YAP1: variants seen among roughly 807,000 people sequenced by gnomAD.
YAP1 encodes transcriptional coactivator YAP1.
Under a neutral mutation model 56.9 loss-of-function variants are expected in YAP1, and 5 were observed. That is an observed-to-expected ratio of 0.09 (90% CI 0.05 to 0.18). The LOEUF (loss-of-function observed/expected upper bound fraction) is 0.18. YAP1 is among the 10% of genes least tolerant of loss of function. The probability of loss-of-function intolerance (pLI) is 1.00; values close to 1 mark genes in which losing one functional copy is unlikely to be tolerated. For missense variants in YAP1, 539 were observed against 651.8 expected (o/e 0.83, Z 1.88); for synonymous variants, 265 against 248.1 (o/e 1.07, Z -0.64).
chr11:102,142,650 C>T (rs763292225), intron 2 of YAP1, among the ~76,000 whole-genome samples: 5 of 152,216 alleles, frequency 3.3e-5, no homozygotes, highest in Admixed American at 6.5e-5. Context: ...TTGTCAAGTA[C>T]AACTCAGAAG....
chr11:102,219,367 G>A (rs1949811207), intron 6 of YAP1, among the ~76,000 whole-genome samples: 1 of 152,126 alleles, frequency 6.6e-6, no homozygotes, highest in Non-Finnish European at 1.5e-5. Flanking sequence ...CTGTGTTCAG[G>A]ATGTTAAAGA....
In YAP1 at chr11:102,114,296, G is replaced by A. The variant is rs12289891; in HGVS notation, c.474G>A (p.Gln158=). Residue 158 remains glutamine (Q), a synonymous_variant, in exon 2 of 9, where the codon CAG becomes CAA. Coordinates refer to ENST00000282441, the MANE Select transcript of YAP1 (RefSeq NM_001130145.3). The stretch of plus-strand genomic sequence containing the variant: ...GCCCAGCAGCTACACCCACAGCTCA[G>A]CATCTTCGACAGTCTTCTTTTGAGA... The part of the protein sequence containing the change: ...VSGPAATPTA[Q]HLRQSSFEIP... 6 of 1,614,162 alleles carry A rather than the reference G, an allele frequency of 3.7e-6. No homozygotes were observed. Among genetic ancestry groups the A allele is most frequent in the African/African-American group, 2.7e-5 (2 of 75,042 alleles).
intron 3 of YAP1, among the ~76,000 whole-genome samples, chr11:102,185,351 G>A (rs900415946): frequency 1.3e-5 from 2 of 152,100 alleles, no homozygotes; most frequent in African/African-American, 4.8e-5. Flanking sequence ...CTTAAAGTTT[G>A]CCTTCCAACA....
intron 2 of YAP1, among the ~76,000 whole-genome samples, chr11:102,159,438 A>G (rs562992412): frequency 2.0e-4 from 30 of 152,282 alleles, no homozygotes; most frequent in African/African-American, 7.2e-4. Context: ...GCATCTACCT[A>G]CTGCATCTCT....
intron 6 of YAP1, 109 bp from the exon 7 acceptor site, chr11:102,223,513 G>A (rs1035265924): frequency 1.2e-4 from 146 of 1,203,770 alleles, no homozygotes; most frequent in Non-Finnish European, 1.5e-4. Flanking sequence ...TAAAGTAGAT[G>A]TTTTTAATCT....
chr11:102,118,256 CA>C (rs973126439), intron 2 of YAP1, among the ~76,000 whole-genome samples: 7 of 152,088 alleles, frequency 4.6e-5, no homozygotes, highest in African/African-American at 1.7e-4. Context: ...TAACTGGCCA[CA>C]ATGTTTTTAG....
chr11:102,159,250 C>T (rs1250268102), intron 2 of YAP1, among the ~76,000 whole-genome samples: 2 of 152,112 alleles, frequency 1.3e-5, no homozygotes, highest in Non-Finnish European at 2.9e-5. Flanking sequence ...CACAGGTCCT[C>T]AAAGCCCAGC....
chr11:102,117,285 C>T (rs1312170258), intron 2 of YAP1, among the ~76,000 whole-genome samples: 1 of 152,130 alleles, frequency 6.6e-6, no homozygotes, highest in Non-Finnish European at 1.5e-5. Flanking sequence ...TTGTTGTCAT[C>T]AGATGTAGAA....
intron 6 of YAP1, among the ~76,000 whole-genome samples, chr11:102,216,471 TA>T (rs1249758758): frequency 6.6e-6 from 1 of 152,308 alleles, no homozygotes; most frequent in Admixed American, 6.5e-5. Flanking sequence ...ATACCTGTGT[TA>T]AAAAATGCCA....
At chr11:102,157,473 G>A (rs1167267103) in intron 2 of YAP1, among the ~76,000 whole-genome samples, 1 of 152,144 alleles carries the variant, frequency 6.6e-6, no homozygotes, top group Non-Finnish European at 1.5e-5. Context: ...TGGGCTGACT[G>A]CCCACTCCCA....
At position 102,229,995 on chromosome 11, in the gene YAP1, A is replaced by C; in HGVS notation, c.*55A>C. The C allele has an allele frequency of 6.7e-7, 1 of 1,494,436 alleles. No individual in the cohort carries two copies. The highest frequency in any genetic ancestry group is 9.2e-7 in the Non-Finnish European group (1 of 1,082,898). 92.6% of individuals were successfully genotyped at this position (1,494,436 alleles called of 1,614,324 possible). ...GTGAAGGATCTAAGGAGACACATGC[A>C]CCGGAAATTTCCATAAGCCAGTTGC... On this transcript the variant is annotated 3_prime_UTR_variant, in exon 9 of 9. Transcript: ENST00000282441.
At chr11:102,120,663 T>G (rs1400917565) in intron 2 of YAP1, among the ~76,000 whole-genome samples, 1 of 152,224 alleles carries the variant, frequency 6.6e-6, no homozygotes, top group Admixed American at 6.5e-5. Flanking sequence ...TCCAATTGAT[T>G]GCTTAACCTA....
intron 4 of YAP1, among the ~76,000 whole-genome samples, chr11:102,198,952 T>C (rs975883384): frequency 6.6e-6 from 1 of 152,080 alleles, no homozygotes; most frequent in African/African-American, 2.4e-5. Context: ...TTGTAAATCA[T>C]AGGAATATTT....
At chr11:102,115,358 C>T (rs756704161) in intron 2 of YAP1, among the ~76,000 whole-genome samples, 3 of 152,166 alleles carry the variant, frequency 2.0e-5, no homozygotes, top group East Asian at 1.9e-4. Context: ...TGACAGTCTA[C>T]TCCTAAGGCA....
intron 2 of YAP1, among the ~76,000 whole-genome samples, chr11:102,145,562 G>C (rs1046909689): frequency 1.3e-5 from 2 of 152,084 alleles, no homozygotes; most frequent in African/African-American, 4.8e-5. Context: ...TCTAATACTT[G>C]AAAACTTAAG....
intron 2 of YAP1, among the ~76,000 whole-genome samples, chr11:102,125,363 T>C (rs1260984212): frequency 1.1e-3 from 158 of 145,436 alleles, no homozygotes; most frequent in African/African-American, 3.7e-3. Context: ...CATTCTTTTT[T>C]TTTTCTTTTC....
chr11:102,218,486 T>C (rs571848166), intron 6 of YAP1, among the ~76,000 whole-genome samples: 116 of 152,346 alleles, frequency 7.6e-4, no homozygotes, highest in African/African-American at 2.7e-3. Flanking sequence ...CCATTTTTCT[T>C]CTCGAATATT....
chr11:102,144,794 C>CT (rs1253211047), intron 2 of YAP1, among the ~76,000 whole-genome samples: 1 of 152,034 alleles, frequency 6.6e-6, no homozygotes, highest in Non-Finnish European at 1.5e-5. Flanking sequence ...GAATAGGTTA[C>CT]TGTTTAAAAA....
chr11:102,205,150 A>AT (rs1192106883), intron 4 of YAP1, among the ~76,000 whole-genome samples: 1 of 115,330 alleles, frequency 8.7e-6, no homozygotes, highest in Non-Finnish European at 2.0e-5. Context: ...CAGCTTCAAA[A>AT]AAAAATTTTT....
Sources: allele counts gnomAD v4.1 joint callset (sites outside exome capture counted in the v4.1 genomes callset), GRCh38; gene constraint gnomAD v4.1.1; transcripts MANE v1.5; gene names NCBI Gene and HGNC (gene_info 2026-07-23, HGNC 2026-07-21).